OR2L13: variants seen among roughly 807,000 people sequenced by gnomAD.
OR2L13 encodes the protein olfactory receptor 2L13.
In OR2L13, 14 loss-of-function variants were observed where a neutral mutation model predicts 15.3. The observed-to-expected ratio is 0.91, with a 90% CI of 0.60 to 1.43. The LOEUF (loss-of-function observed/expected upper bound fraction) is 1.43, where lower values mean the gene tolerates loss of function less well. OR2L13 is among the 40% of genes most tolerant of loss of function. OR2L13 has a pLI of 0.00. For missense variants in OR2L13, 367 were observed against 387.9 expected, an observed-to-expected ratio of 0.95 and a Z score of 0.45; for synonymous variants, 152 against 142.9, an observed-to-expected ratio of 1.06 and a Z score of -0.45.
chr1:248,000,920 T>C, the OR2L13 span, among the ~76,000 whole-genome samples: 37 of 152,114 alleles, frequency 2.4e-4, no homozygotes, highest in Non-Finnish European at 2.9e-4. Context: ...AGTTTTTGAC[T>C]TAATAAATTT....
At chr1:248,054,678 C>A in the OR2L13 span, among the ~76,000 whole-genome samples, 1 of 151,990 alleles carries the variant, frequency 6.6e-6, no homozygotes. Context: ...GCTGTATTCC[C>A]AGGTATTTTA....
upstream of OR2L13, among the ~76,000 whole-genome samples, chr1:248,093,048 A>G (rs1027124615): frequency 6.6e-6 from 1 of 152,168 alleles, no homozygotes. Flanking sequence ...GTCATTTCAT[A>G]CGCTGTCACA....
downstream of OR2L13, chr1:248,101,154 A>C (rs1572746953): frequency 6.6e-6 from 1 of 152,254 alleles, no homozygotes; most frequent in South Asian, 2.1e-4. Flanking sequence ...TCTTTATATA[A>C]ATAACTTTAT....
At chr1:248,005,587 G>A in the OR2L13 span, among the ~76,000 whole-genome samples, 1 of 152,136 alleles carries the variant, frequency 6.6e-6, no homozygotes, top group African/African-American at 2.4e-5. Context: ...TGTGCAGAAT[G>A]TCATTGGTAT....
At chr1:247,977,377 T>C in the OR2L13 span, among the ~76,000 whole-genome samples, 16 of 152,338 alleles carry the variant, frequency 1.1e-4, no homozygotes, top group African/African-American at 3.6e-4. Flanking sequence ...TCTTGATTCA[T>C]TAATGAAACA....
chr1:247,975,438 C>T, the OR2L13 span: 3 of 731,470 alleles, frequency 4.1e-6, no homozygotes, highest in African/African-American at 1.8e-5. Context: ...CCTATTCGAC[C>T]TGTAGCACCC....
chr1:248,072,032 C>T, the OR2L13 span, among the ~76,000 whole-genome samples: 39 of 151,194 alleles, frequency 2.6e-4, no homozygotes, highest in Middle Eastern at 3.4e-3. Flanking sequence ...GAATCAATAT[C>T]GTGAAAATGG....
chr1:248,099,896 A>T, exon 3 of OR2L13: 1 of 1,614,020 alleles, frequency 6.2e-7, no homozygotes, highest in East Asian at 2.2e-5. Flanking sequence ...AGGGCTATTG[A>T]CCATTTCTTC....
the OR2L13 span, among the ~76,000 whole-genome samples, chr1:248,047,556 AT>A: frequency 1.3e-5 from 2 of 152,130 alleles, no homozygotes; most frequent in African/African-American, 4.8e-5. Context: ...AGGTATCCAG[AT>A]TTTGTTTTTA....
At chr1:248,010,308 G>T in the OR2L13 span, among the ~76,000 whole-genome samples, 13 of 151,988 alleles carry the variant, frequency 8.6e-5, no homozygotes, top group Non-Finnish European at 1.2e-4. Flanking sequence ...TATGATTTCC[G>T]TTTTTTGCAT....
chr1:247,992,711 T>G, the OR2L13 span, among the ~76,000 whole-genome samples: 209 of 152,336 alleles, frequency 1.4e-3, no homozygotes, highest in Non-Finnish European at 2.4e-3. Context: ...ATGCTCTTAC[T>G]GTTTTTTATA....
chr1:248,067,124 A>G, the OR2L13 span, among the ~76,000 whole-genome samples: 7 of 152,218 alleles, frequency 4.6e-5, no homozygotes, highest in Admixed American at 4.6e-4. Context: ...TTCCTGATTA[A>G]ACATCTCATA....
chr1:248,089,633 G>A, the OR2L13 span, among the ~76,000 whole-genome samples: 1 of 152,130 alleles, frequency 6.6e-6, no homozygotes, highest in African/African-American at 2.4e-5. Flanking sequence ...TAAAATCACA[G>A]GGTACTTAGT....
the OR2L13 span, among the ~76,000 whole-genome samples, chr1:248,072,790 AC>A: frequency 1.3e-5 from 2 of 152,264 alleles, no homozygotes; most frequent in East Asian, 1.9e-4. Context: ...GAAAAAAAAA[AC>A]AACCCCATCA....
chr1:247,991,709 A>G, the OR2L13 span, among the ~76,000 whole-genome samples: 2 of 149,414 alleles, frequency 1.3e-5, no homozygotes. Flanking sequence ...TTTTATTTCT[A>G]CTTACTCTTG....
At chr1:248,003,269 C>G in the OR2L13 span, 17 of 1,573,376 alleles carry the variant, frequency 1.1e-5, no homozygotes, top group Non-Finnish European at 1.5e-5. Flanking sequence ...CATGATTCTT[C>G]TCATCTTCTT....
the OR2L13 span, among the ~76,000 whole-genome samples, chr1:247,994,078 A>G: frequency 1.3e-5 from 2 of 152,124 alleles, no homozygotes; most frequent in Non-Finnish European, 2.9e-5. Context: ...ATTGATTCCC[A>G]TTTGGTCTCA....
At chr1:248,042,462 A>G in the OR2L13 span, among the ~76,000 whole-genome samples, 2 of 152,170 alleles carry the variant, frequency 1.3e-5, no homozygotes, top group African/African-American at 2.4e-5. Context: ...ATATGTAAAT[A>G]ACCTGCACAT....
At chr1:247,951,618 T>G in the OR2L13 span, among the ~76,000 whole-genome samples, 1 of 152,366 alleles carries the variant, frequency 6.6e-6, no homozygotes, top group East Asian at 1.9e-4. Flanking sequence ...ATTTTGAACT[T>G]GTCTTATGAA....
Sources: allele counts gnomAD v4.1 joint callset (sites outside exome capture counted in the v4.1 genomes callset), GRCh38; gene constraint gnomAD v4.1.1; transcripts MANE v1.5; gene names NCBI Gene and HGNC (gene_info 2026-07-23, HGNC 2026-07-21).